WLS: variants seen among roughly 807,000 people sequenced by gnomAD.
The protein encoded by WLS is protein wntless homolog.
In WLS, 23 loss-of-function variants were observed where a neutral mutation model predicts 62.8. The observed-to-expected ratio is 0.37, with a 90% CI of 0.26 to 0.52. The LOEUF (loss-of-function observed/expected upper bound fraction) is 0.52. Ranked by LOEUF, WLS falls within the 20% of genes least tolerant of loss-of-function variation. The pLI is 0.92. For missense variants in WLS, 615 were observed against 697.3 expected (o/e 0.88, Z 1.33); for synonymous variants, 246 against 244.1 (o/e 1.01, Z -0.07).
rs189830076 is a variant in WLS, at chr1:68,127,832, C to T, written c.1517-1497G>A. Reference sequence around the variant, plus strand: ...TATCACTAATTTAAGAACTGCTAGGCATCAATGAATCTGGTGGCCTTAGAA... The same window carrying T: ...TATCACTAATTTAAGAACTGCTAGGTATCAATGAATCTGGTGGCCTTAGAA... On this transcript the variant is annotated intron_variant, in intron 11 of 11. Transcript: ENST00000262348. Among the ~76,000 whole-genome samples the T allele has an allele frequency of 5.3e-5, 8 of 152,324 alleles. No individual in the cohort carries two copies. The East Asian group carries it at 1.3e-3, about 26-fold the overall frequency.
chr1:68,207,661 G>A (rs1028531057), intron 1 of WLS, among the ~76,000 whole-genome samples: 2 of 152,220 alleles, frequency 1.3e-5, no homozygotes, highest in African/African-American at 4.8e-5. Context: ...GCAAGAGCTA[G>A]AGCTCAGAAA....
chr1:68,193,885 T>C, intron 2 of WLS, 70 bp downstream of exon 2: 1 of 1,540,550 alleles, frequency 6.5e-7, no homozygotes, highest in South Asian at 1.3e-5. Context: ...TTATTAGAAT[T>C]GGCTCAAAAA....
chr1:68,214,212 C>A (rs1199203545), intron 1 of WLS, among the ~76,000 whole-genome samples: 1 of 152,084 alleles, frequency 6.6e-6, no homozygotes, highest in African/African-American at 2.4e-5. Context: ...CACACACACC[C>A]CATTTCCAAT....
At chr1:68,210,298 G>A (rs970193138) in intron 1 of WLS, among the ~76,000 whole-genome samples, 2 of 152,136 alleles carry the variant, frequency 1.3e-5, no homozygotes, top group Admixed American at 1.3e-4. Flanking sequence ...CAGACCAGGG[G>A]TATTTTAACT....
At chr1:68,163,443 C>T (rs1647014624) in intron 2 of WLS, among the ~76,000 whole-genome samples, 1 of 152,078 alleles carries the variant, frequency 6.6e-6, no homozygotes, top group African/African-American at 2.4e-5. Flanking sequence ...GTGCAGCCTC[C>T]CCTCAGCGCA....
chr1:68,218,312 T>A (rs1649816716), intron 1 of WLS, among the ~76,000 whole-genome samples: 1 of 152,134 alleles, frequency 6.6e-6, no homozygotes, highest in East Asian at 1.9e-4. Flanking sequence ...AAATAGATAT[T>A]GAGAGGGGAC....
At position 68,145,971 on chromosome 1, in the gene WLS, G is replaced by A; in HGVS notation, c.1176C>T (p.Tyr392=). 1 of 1,614,176 alleles carries A rather than the reference G, an allele frequency of 6.2e-7. No individual in the cohort carries two copies. The highest frequency in any genetic ancestry group is 8.5e-7 in the Non-Finnish European group (1 of 1,180,040). Reference sequence around the variant, plus strand: ...ATACCATGAAGCATAGAAACAGGAAGTAGAGGCAGAGGCAGATTCCAGCCA... The same window carrying A: ...ATACCATGAAGCATAGAAACAGGAAATAGAGGCAGAGGCAGATTCCAGCCA... ...IIVAGICLCL[Y]FLFLCFMVFQ... The change falls in exon 9 of 12, where the codon TAC becomes TAT. Residue 392 remains tyrosine (Y), a synonymous_variant. Coordinates refer to ENST00000262348, the MANE Select transcript of WLS (RefSeq NM_024911.7).
intron 1 of WLS, among the ~76,000 whole-genome samples, chr1:68,216,697 A>C (rs564230878): frequency 6.6e-6 from 1 of 152,320 alleles, no homozygotes; most frequent in African/African-American, 2.4e-5. Flanking sequence ...AGACAGGCAC[A>C]CTTTACAGAC....
chr1:68,189,637 G>A (rs1366036727), intron 2 of WLS, among the ~76,000 whole-genome samples: 3 of 152,200 alleles, frequency 2.0e-5, no homozygotes, highest in Admixed American at 1.3e-4. Context: ...TAACCAAGGT[G>A]TAGAAGTAAG....
At chr1:68,217,897 A>C (rs1477979282) in intron 1 of WLS, among the ~76,000 whole-genome samples, 1 of 152,178 alleles carries the variant, frequency 6.6e-6, no homozygotes, top group Non-Finnish European at 1.5e-5. Flanking sequence ...ACAACTTTGG[A>C]GGGCTTCAGT....
At chr1:68,099,563 A>G (rs1259567936) in intron 11 of WLS, among the ~76,000 whole-genome samples, 4 of 152,164 alleles carry the variant, frequency 2.6e-5, no homozygotes, top group African/African-American at 9.7e-5. Context: ...CTTATGTAAA[A>G]TGGCATAAGG....
intron 10 of WLS, among the ~76,000 whole-genome samples, chr1:68,138,782 T>C (rs1646647476): frequency 6.6e-6 from 1 of 152,244 alleles, no homozygotes; most frequent in African/African-American, 2.4e-5. Flanking sequence ...TGACCACTTC[T>C]GCTTACTACG....
chr1:68,140,595 A>C (rs993110962), intron 10 of WLS, among the ~76,000 whole-genome samples: 1 of 152,268 alleles, frequency 6.6e-6, no homozygotes, highest in African/African-American at 2.4e-5. Context: ...GAAATATCAG[A>C]CTCATGCTCC....
intron 1 of WLS, among the ~76,000 whole-genome samples, chr1:68,228,795 C>G (rs546038608): frequency 8.1e-6 from 1 of 123,710 alleles, no homozygotes; most frequent in East Asian, 2.3e-4. Flanking sequence ...GCTTTCAGAG[C>G]CTTTTTGCAA....
chr1:68,140,417 C>A lies in WLS; in HGVS notation c.1363-2484G>T, dbSNP rs56937748. On this transcript the variant is annotated intron_variant, in intron 10 of 11. Transcript: ENST00000262348. ...TTGCCCATAATGTACATTACAAATACAACATACATGCACACATTTGTCTAT... is the reference window on the plus strand; with the variant it reads ...TTGCCCATAATGTACATTACAAATAAAACATACATGCACACATTTGTCTAT... Among the ~76,000 whole-genome samples, 964 of 152,318 alleles carry A rather than the reference C, an allele frequency of 6.3e-3. 31 individuals are homozygous for A. Among genetic ancestry groups the A allele is most frequent in the Admixed American group, 0.051 (776 of 15,310 alleles).
chr1:68,153,566 A>T lies in WLS; in HGVS notation c.754T>A (p.Tyr252Asn), dbSNP rs766617200. Residue 252 changes from tyrosine to asparagine, a missense_variant, in exon 5 of 12, where the codon TAT (tyrosine) becomes AAT (asparagine). By Grantham distance (143) the Tyr-to-Asn change is moderately radical. Coordinates refer to ENST00000262348, the MANE Select transcript of WLS (RefSeq NM_024911.7). ...GACATCATGGTGATCCTCCTCCAAT[A>T]CCACACCATAATGATGAAGATGCTG... ...TPSIFIIMVWYWRRITMMSRP... is the reference protein window; with the variant it reads ...TPSIFIIMVWNWRRITMMSRP... The T allele has an allele frequency of 6.2e-7, 1 of 1,614,172 alleles. No homozygotes were observed. Among genetic ancestry groups the T allele is most frequent in the Non-Finnish European group, 8.5e-7 (1 of 1,180,030 alleles).
intron 11 of WLS, among the ~76,000 whole-genome samples, chr1:68,110,576 A>G (rs919865654): frequency 2.0e-5 from 3 of 152,058 alleles, no homozygotes; most frequent in African/African-American, 7.2e-5. Context: ...AAAAAGCTAA[A>G]GTAATTAAAA....
chr1:68,120,205 G>T lies in WLS; in HGVS notation c.1510+17575C>A, dbSNP rs866973168. On this transcript the variant is annotated intron_variant, in intron 11 of 11. Coordinates refer to the WLS transcript ENST00000354777. ...ATCATCTCATTCAGGTGGGGTGAAG[G>T]GGGTGGGTAGCTTCCCTGAGGGTCC... Among the ~76,000 whole-genome samples, 9 of 152,268 alleles carry T rather than the reference G, an allele frequency of 5.9e-5. No individual in the cohort carries two copies. In the Middle Eastern group the frequency reaches 0.01, roughly 173 times the overall value.
In WLS at chr1:68,155,360, A is replaced by G; in HGVS notation, c.505-100T>C. On this transcript the variant is annotated intron_variant, in intron 3 of 11. Transcript: ENST00000262348. ...TCCATAACATCAATTGTAAGCAGCT[A>G]ATGCTTAAAGGTACACTTTAGACGT... The G allele has an allele frequency of 2.9e-6, 4 of 1,389,240 alleles. No individual in the cohort carries two copies. In the South Asian group the frequency reaches 5.9e-5, roughly 20 times the overall value. 86.1% of individuals were successfully genotyped at this position (1,389,240 alleles called of 1,614,324 possible).
Sources: gnomAD v4.1 joint callset for allele counts (sites outside exome capture counted in the v4.1 genomes callset) on GRCh38, gnomAD v4.1.1 for gene constraint, MANE v1.5 for transcripts, NCBI Gene and HGNC (gene_info 2026-07-23, HGNC 2026-07-21) for gene names.